MICOS10: variants seen among roughly 807,000 people sequenced by gnomAD.
MICOS10 encodes mitochondrial contact site and cristae organizing system subunit 10.
In MICOS10, 5 loss-of-function variants were observed where a neutral mutation model predicts 13.4. That is an observed-to-expected ratio of 0.37 (90% CI 0.20 to 0.78). The LOEUF (loss-of-function observed/expected upper bound fraction) is 0.78. Among genes scored for constraint, MICOS10 ranks in the 30% least tolerant of loss-of-function variants. The probability of loss-of-function intolerance (pLI) is 0.47; values close to 1 mark genes in which losing one functional copy is unlikely to be tolerated. For missense variants in MICOS10, 101 were observed against 94.6 expected (o/e 1.07, Z -0.28); for synonymous variants, 35 against 33.6 (o/e 1.04, Z -0.15).
At chr1:19,601,093 G>A (rs1464696938) in intron 1 of MICOS10, 1 of 1,046,118 alleles carries the variant, frequency 9.6e-7, no homozygotes, top group East Asian at 5.9e-5. Context: ...TTTAGCATAG[G>A]TGTTGTATAG....
At chr1:19,622,792 C>T (rs1040673498) in intron 2 of MICOS10, among the ~76,000 whole-genome samples, 6 of 152,026 alleles carry the variant, frequency 3.9e-5, no homozygotes, top group East Asian at 3.8e-4. Flanking sequence ...ATGTAAATAT[C>T]GGTAAAATGC....
At chr1:19,615,981 T>C (rs1270095099) in intron 1 of MICOS10, among the ~76,000 whole-genome samples, 1 of 152,072 alleles carries the variant, frequency 6.6e-6, no homozygotes, top group Non-Finnish European at 1.5e-5. Flanking sequence ...GCAGTTGGCG[T>C]GATCTTCGTT....
chr1:19,616,743 C>G (rs1005488915), intron 1 of MICOS10, among the ~76,000 whole-genome samples: 1 of 152,178 alleles, frequency 6.6e-6, no homozygotes, highest in Non-Finnish European at 1.5e-5. Flanking sequence ...AGCCATGACT[C>G]AGAGTCAGAC....
chr1:19,612,424 C>T (rs1013419556), intron 1 of MICOS10, among the ~76,000 whole-genome samples: 3 of 151,552 alleles, frequency 2.0e-5, no homozygotes, highest in African/African-American at 7.3e-5. Context: ...AGTAGTGCAG[C>T]CTTTAAGAAA....
chr1:19,619,844 G>T (rs2094896950), intron 1 of MICOS10, among the ~76,000 whole-genome samples: 1 of 152,200 alleles, frequency 6.6e-6, no homozygotes, highest in Non-Finnish European at 1.5e-5. Context: ...GCATGGCCCT[G>T]TGCCTAATGT....
chr1:19,602,335 C>T (rs1187752399), intron 1 of MICOS10, among the ~76,000 whole-genome samples: 1 of 152,158 alleles, frequency 6.6e-6, no homozygotes, highest in Non-Finnish European at 1.5e-5. Flanking sequence ...AAGTAGATTT[C>T]TGCCCGTTCA....
At chr1:19,616,826 CTT>C (rs2094886070) in intron 1 of MICOS10, among the ~76,000 whole-genome samples, 1 of 152,260 alleles carries the variant, frequency 6.6e-6, no homozygotes, top group East Asian at 1.9e-4. Flanking sequence ...TCATAATAAA[CTT>C]TATAATGTGG....
At chr1:19,625,880 A>G (rs2094920277) in intron 3 of MICOS10, among the ~76,000 whole-genome samples, 1 of 152,148 alleles carries the variant, frequency 6.6e-6, no homozygotes, top group Non-Finnish European at 1.5e-5. Flanking sequence ...GGGCTTATTC[A>G]GTGTAGTCCT....
chr1:19,617,416 T>A, intron 1 of MICOS10: 1 of 520,260 alleles, frequency 1.9e-6, no homozygotes, highest in Non-Finnish European at 2.5e-6. Flanking sequence ...AGAAGCTGAT[T>A]AATACAGACT....
intron 1 of MICOS10, among the ~76,000 whole-genome samples, chr1:19,620,772 C>T (rs573943895): frequency 1.7e-4 from 26 of 152,182 alleles, no homozygotes; most frequent in African/African-American, 3.4e-4. Flanking sequence ...TTGAGTGGTA[C>T]GGTTAGCAAT....
At chr1:19,601,598 A>G (rs988812900) in intron 1 of MICOS10, among the ~76,000 whole-genome samples, 1 of 146,616 alleles carries the variant, frequency 6.8e-6, no homozygotes, top group Non-Finnish European at 1.5e-5. Context: ...AAAAGAAAAG[A>G]AAAAGGAAAA....
intron 1 of MICOS10, among the ~76,000 whole-genome samples, chr1:19,614,116 C>T (rs1176167853): frequency 1.3e-5 from 2 of 152,038 alleles, no homozygotes. Context: ...TGCTCTGTCA[C>T]TCAGGCTGGA....
At chr1:19,623,172 A>T (rs2094910309) in intron 2 of MICOS10, among the ~76,000 whole-genome samples, 1 of 151,952 alleles carries the variant, frequency 6.6e-6, no homozygotes, top group African/African-American at 2.4e-5. Flanking sequence ...CCGCCCGCCT[A>T]CGCCTCCCAG....
chr1:19,596,981 G>A lies in MICOS10; in HGVS notation c.-65G>A, dbSNP rs1317170540. 46 of 1,513,144 alleles carry A rather than the reference G, an allele frequency of 3.0e-5. No homozygotes were observed. Among genetic ancestry groups the A allele is most frequent in the Non-Finnish European group, 4.0e-5 (45 of 1,123,972 alleles). The allele number at this position is 1,513,144 out of a possible 1,614,324, so 93.7% of individuals were successfully genotyped here. ...CCTGGGACTTGTTTCCAGCTCTCGC[G>A]AGACTTTCAGGGGTCGGAGCGCGGG... On this transcript the variant is annotated 5_prime_UTR_variant, in exon 1 of 4. Coordinates refer to ENST00000322753, the MANE Select transcript of MICOS10 (RefSeq NM_001032363.4).
intron 1 of MICOS10, among the ~76,000 whole-genome samples, chr1:19,611,729 T>C (rs1209078024): frequency 6.6e-6 from 1 of 151,898 alleles, no homozygotes; most frequent in East Asian, 2.0e-4. Context: ...CCCAGCACTT[T>C]GGGAGGCTGA....
chr1:19,626,596 A>G lies in MICOS10; in HGVS notation c.*195A>G. ...TATTTTCTCTCTGGAAGTTGTAAGG[A>G]GGTGGTCTTAAATAAATTAAACAAA... is the stretch of plus-strand genomic sequence containing the variant. On this transcript the variant is annotated 3_prime_UTR_variant, in exon 4 of 4. Coordinates refer to ENST00000322753, the MANE Select transcript of MICOS10 (RefSeq NM_001032363.4). 1.6e-6 allele frequency: 1 copy of G among 620,668 alleles called. No individual in the cohort carries two copies. The highest frequency in any genetic ancestry group is 2.8e-5 in the East Asian group (1 of 35,192). 38.4% of individuals were successfully genotyped at this position (620,668 alleles called of 1,614,324 possible).
intron 1 of MICOS10, among the ~76,000 whole-genome samples, chr1:19,604,537 C>T (rs1485935665): frequency 6.6e-6 from 1 of 151,996 alleles, no homozygotes; most frequent in Non-Finnish European, 1.5e-5. Flanking sequence ...TGGAGGCTGT[C>T]GCTGAAGAGT....
At chr1:19,624,820 T>C (rs1408812860) in intron 3 of MICOS10, among the ~76,000 whole-genome samples, 1 of 152,162 alleles carries the variant, frequency 6.6e-6, no homozygotes, top group Non-Finnish European at 1.5e-5. Flanking sequence ...CTCAAATAAA[T>C]GTAAAATGAA....
At chr1:19,605,774 A>G (rs2094832239) in intron 1 of MICOS10, among the ~76,000 whole-genome samples, 1 of 152,148 alleles carries the variant, frequency 6.6e-6, no homozygotes, top group South Asian at 2.1e-4. Context: ...GGCTGGTCTC[A>G]AATTCCTGGG....
Sources: gnomAD v4.1 joint callset for allele counts (sites outside exome capture counted in the v4.1 genomes callset) on GRCh38, gnomAD v4.1.1 for gene constraint, MANE v1.5 for transcripts, NCBI Gene and HGNC (gene_info 2026-07-23, HGNC 2026-07-21) for gene names.